The following DPYD variants were observed in gnomAD, a reference collection of about 807,000 sequenced individuals.
DPYD encodes dihydropyrimidine dehydrogenase [NADP(+)].
In DPYD, 109 loss-of-function variants were observed where a neutral mutation model predicts 116.2. That is an observed-to-expected ratio of 0.94 (90% CI 0.80 to 1.10). DPYD has a LOEUF of 1.10. Among genes scored for constraint, DPYD ranks in the 50% least tolerant of loss-of-function variants. DPYD has a pLI of 0.00. For missense variants in DPYD, 1,302 were observed against 1,254.5 expected (o/e 1.04, Z -0.57); for synonymous variants, 440 against 432.0 (o/e 1.02, Z -0.23).
At chr1:97,561,622 C>T (rs1471576978) in intron 11 of DPYD, among the ~76,000 whole-genome samples, 2 of 152,150 alleles carry the variant, frequency 1.3e-5, no homozygotes, top group African/African-American at 2.4e-5. Flanking sequence ...ATTTAATCTA[C>T]GTGCCTCTTT....
At chr1:97,784,815 G>A (rs1277025192) in intron 3 of DPYD, among the ~76,000 whole-genome samples, 1 of 152,026 alleles carries the variant, frequency 6.6e-6, no homozygotes, top group African/African-American at 2.4e-5. Flanking sequence ...AACTTCTTAA[G>A]GCCTCCATTT....
chr1:97,463,420 T>G (rs6696976), intron 13 of DPYD, among the ~76,000 whole-genome samples: 43,576 of 152,142 alleles, frequency 0.29, 6,536 homozygotes, highest in East Asian at 0.39. Flanking sequence ...GTAAGTACAT[T>G]AAACCTCATT....
intron 20 of DPYD, among the ~76,000 whole-genome samples, chr1:97,172,584 G>A (rs1324817654): frequency 6.6e-6 from 1 of 152,130 alleles, no homozygotes; most frequent in Non-Finnish European, 1.5e-5. Flanking sequence ...CCTGGCAGTT[G>A]GAAGTTGTAG....
At chr1:97,199,785 T>A (rs1311791860) in intron 19 of DPYD, among the ~76,000 whole-genome samples, 1 of 152,162 alleles carries the variant, frequency 6.6e-6, no homozygotes, top group Non-Finnish European at 1.5e-5. Flanking sequence ...TGATAACATC[T>A]TATTGTTGTG....
chr1:97,518,780 T>C (rs1391099930), intron 12 of DPYD, among the ~76,000 whole-genome samples: 2 of 152,106 alleles, frequency 1.3e-5, no homozygotes, highest in African/African-American at 2.4e-5. Flanking sequence ...AATGGCTATA[T>C]TGTAAAAAGG....
chr1:97,876,614 A>G (rs1266732894), intron 2 of DPYD, among the ~76,000 whole-genome samples: 2 of 151,984 alleles, frequency 1.3e-5, no homozygotes, highest in South Asian at 2.1e-4. Context: ...ATAAATTCAA[A>G]TTCAAAATCA....
chr1:97,633,054 T>A (rs1350712006), intron 8 of DPYD, among the ~76,000 whole-genome samples: 1 of 152,144 alleles, frequency 6.6e-6, no homozygotes, highest in Non-Finnish European at 1.5e-5. Flanking sequence ...CCAGGCCACA[T>A]GGCTTTCTTT....
At chr1:97,693,533 T>G (rs1571202272) in intron 6 of DPYD, among the ~76,000 whole-genome samples, 1 of 152,186 alleles carries the variant, frequency 6.6e-6, no homozygotes, top group Middle Eastern at 3.4e-3. Context: ...AGGTTTTCCC[T>G]TCAAAGTCTA....
At chr1:97,448,085 A>G (rs1001467007) in intron 14 of DPYD, among the ~76,000 whole-genome samples, 1 of 152,052 alleles carries the variant, frequency 6.6e-6, no homozygotes, top group South Asian at 2.1e-4. Context: ...TTAGCCGGGC[A>G]TGGTGGCATG....
At chr1:97,102,285 T>C (rs1040086542) in intron 20 of DPYD, among the ~76,000 whole-genome samples, 1 of 151,120 alleles carries the variant, frequency 6.6e-6, no homozygotes, top group East Asian at 1.9e-4. Flanking sequence ...CACACTCTCT[T>C]ATCTAATTGG....
At chr1:97,151,040 A>C (rs1654973497) in intron 20 of DPYD, among the ~76,000 whole-genome samples, 1 of 152,198 alleles carries the variant, frequency 6.6e-6, no homozygotes, top group African/African-American at 2.4e-5. Context: ...TCTTGTTATA[A>C]GATAAGCAAA....
chr1:97,486,968 T>A (rs2101894691), intron 13 of DPYD, among the ~76,000 whole-genome samples: 1 of 152,060 alleles, frequency 6.6e-6, no homozygotes, highest in Non-Finnish European at 1.5e-5. Context: ...AAATCAGAAA[T>A]AGCCATGCAA....
At chr1:97,632,762 T>C (rs1050533021) in intron 8 of DPYD, among the ~76,000 whole-genome samples, 1 of 152,166 alleles carries the variant, frequency 6.6e-6, no homozygotes, top group African/African-American at 2.4e-5. Context: ...GGATTTTTAA[T>C]ATATTTACAG....
At chr1:97,621,101 T>G (rs1279927439) in intron 8 of DPYD, among the ~76,000 whole-genome samples, 2 of 152,126 alleles carry the variant, frequency 1.3e-5, no homozygotes, top group Non-Finnish European at 2.9e-5. Context: ...TTGAGTATAT[T>G]AACTATTTTG....
intron 4 of DPYD, among the ~76,000 whole-genome samples, chr1:97,723,650 A>T (rs1176566648): frequency 6.6e-6 from 1 of 151,616 alleles, no homozygotes; most frequent in African/African-American, 2.4e-5. Context: ...AGAGATTAGG[A>T]TCTGTTTATT....
chr1:97,430,064 G>A lies in DPYD; in HGVS notation c.1905+19995C>T, dbSNP rs115255504. Among the ~76,000 whole-genome samples, 628 of 152,162 alleles carry A rather than the reference G, an allele frequency of 4.1e-3. 4 individuals are homozygous for A. The highest frequency in any genetic ancestry group is 0.014 in the African/African-American group (600 of 41,522). On this transcript the variant is annotated intron_variant, in intron 14 of 22. Coordinates refer to ENST00000370192, the MANE Select transcript of DPYD (RefSeq NM_000110.4). ...AATGCTTGATAATTAATTATTCAAA[G>A]TTTCTCTGGCATTCAGTGTCTCTAT...
chr1:97,127,596 C>T (rs1158373328), intron 20 of DPYD, among the ~76,000 whole-genome samples: 1 of 152,122 alleles, frequency 6.6e-6, no homozygotes, highest in Non-Finnish European at 1.5e-5. Context: ...TATTCATCAA[C>T]TCATTTTCCC....
chr1:97,261,065 CA>C (rs1486532777), intron 18 of DPYD, among the ~76,000 whole-genome samples: 1 of 152,058 alleles, frequency 6.6e-6, no homozygotes, highest in Non-Finnish European at 1.5e-5. Context: ...TGTAAATGAT[CA>C]CTGAATTGTA....
chr1:97,392,095 G>T (rs1672739030), intron 14 of DPYD, among the ~76,000 whole-genome samples: 1 of 152,010 alleles, frequency 6.6e-6, no homozygotes, highest in Non-Finnish European at 1.5e-5. Flanking sequence ...ATCACCCATG[G>T]ACATTTAGAG....
Sources: allele counts gnomAD v4.1 joint callset (sites outside exome capture counted in the v4.1 genomes callset), GRCh38; gene constraint gnomAD v4.1.1; transcripts MANE v1.5; gene names NCBI Gene and HGNC (gene_info 2026-07-23, HGNC 2026-07-21).